Variants in PLAG1 observed in about 807,000 individuals in gnomAD.
The protein encoded by PLAG1 is zinc finger protein PLAG1.
In PLAG1, 7 loss-of-function variants were observed where a neutral mutation model predicts 35.5. The observed-to-expected ratio is 0.20, with a 90% CI of 0.11 to 0.37. PLAG1 has a LOEUF of 0.37. Ranked by LOEUF, PLAG1 falls within the 10% of genes least tolerant of loss-of-function variation. The pLI is 1.00. For missense variants in PLAG1, 454 were observed against 602.8 expected (o/e 0.75, Z 2.58); for synonymous variants, 229 against 225.4 (o/e 1.02, Z -0.14).
In PLAG1 at chr8:56,168,712, C is replaced by T. The variant is rs1185642798; in HGVS notation, c.-117-326G>A. On this transcript the variant is annotated intron_variant, in intron 3 of 4. Coordinates refer to ENST00000316981, the MANE Select transcript of PLAG1 (RefSeq NM_002655.3). ...TCTAAAAAGTGGCATTATTAAGCTT[C>T]AATTTTTACAAAAGATCAGAGAACA... Among the ~76,000 whole-genome samples the T allele has an allele frequency of 2.0e-5, 3 of 152,154 alleles. No homozygotes were observed. In the East Asian group the frequency reaches 5.8e-4, roughly 29 times the overall value.
chr8:56,204,470 T>C (rs1812643738), intron 1 of PLAG1, among the ~76,000 whole-genome samples: 1 of 151,920 alleles, frequency 6.6e-6, no homozygotes, highest in Non-Finnish European at 1.5e-5. Context: ...TAATGTATCT[T>C]CAAAGGAATA....
chr8:56,181,902 T>TA (rs1462506292), intron 1 of PLAG1, among the ~76,000 whole-genome samples: 3 of 152,110 alleles, frequency 2.0e-5, no homozygotes, highest in Non-Finnish European at 4.4e-5. Flanking sequence ...ATTTTTGCCT[T>TA]AAAAAATGTA....
chr8:56,177,208 A>G (rs1392391138), intron 2 of PLAG1, among the ~76,000 whole-genome samples: 4 of 152,230 alleles, frequency 2.6e-5, no homozygotes, highest in African/African-American at 9.6e-5. Context: ...AGTACTAAAA[A>G]ATGTAATGAA....
chr8:56,179,625 C>T (rs1811807152), intron 1 of PLAG1, 112 bp from the exon 2 acceptor site: 1 of 154,646 alleles, frequency 6.5e-6, no homozygotes. Flanking sequence ...ATTCTTTGCA[C>T]TTTATTGAAA....
chr8:56,187,397 G>A (rs990302868), intron 1 of PLAG1, among the ~76,000 whole-genome samples: 3 of 152,186 alleles, frequency 2.0e-5, no homozygotes, highest in African/African-American at 7.2e-5. Context: ...AGAGACAAAG[G>A]CAAGAATCAG....
intron 1 of PLAG1, among the ~76,000 whole-genome samples, chr8:56,184,001 A>G (rs1340544942): frequency 6.6e-6 from 1 of 152,164 alleles, no homozygotes; most frequent in Non-Finnish European, 1.5e-5. Context: ...AAAATGTAAA[A>G]CTTCCCCTCA....
intron 1 of PLAG1, chr8:56,209,109 T>C (rs915755561): frequency 2.0e-5 from 3 of 152,192 alleles, no homozygotes; most frequent in African/African-American, 7.2e-5. Context: ...TATTTTACAG[T>C]TTTTACAAAA....
At chr8:56,174,350 G>C (rs1442273827) in intron 2 of PLAG1, among the ~76,000 whole-genome samples, 1 of 152,154 alleles carries the variant, frequency 6.6e-6, no homozygotes, top group Non-Finnish European at 1.5e-5. Context: ...CAGTTTTGAA[G>C]TAAGGGCAAC....
intron 1 of PLAG1, among the ~76,000 whole-genome samples, chr8:56,199,176 G>A (rs1255074738): frequency 1.3e-5 from 2 of 152,166 alleles, no homozygotes; most frequent in Non-Finnish European, 2.9e-5. Flanking sequence ...TGGTGGTTGG[G>A]GGGACAGGTG....
At chr8:56,175,321 T>C (rs947317639) in intron 2 of PLAG1, among the ~76,000 whole-genome samples, 1 of 152,206 alleles carries the variant, frequency 6.6e-6, no homozygotes, top group African/African-American at 2.4e-5. Flanking sequence ...GATGCCTGCA[T>C]TAGTCCTTGG....
At position 56,167,494 on chromosome 8, in the gene PLAG1, A is replaced by G; in HGVS notation, c.252T>C (p.Ala84=). The part of the protein sequence containing the change: ...VSKYKLQRHM[A]THSPEKTHKC... Reference sequence around the variant, plus strand: ...TGTGGGTTTTCTCAGGAGAATGAGTAGCCATGTGCCTTTAAACACAGATAT... The same window carrying G: ...TGTGGGTTTTCTCAGGAGAATGAGTGGCCATGTGCCTTTAAACACAGATAT... The change falls in exon 5 of 5, where the codon GCT becomes GCC. Residue 84 remains alanine (A), a synonymous_variant. Transcript: ENST00000316981. The surrounding 1 kb of genome is among the most constrained non-coding windows in gnomAD (Gnocchi z 5.9). 2 of 1,604,494 alleles carry G rather than the reference A, an allele frequency of 1.2e-6. No individual in the cohort carries two copies. Among genetic ancestry groups the G allele is most frequent in the Non-Finnish European group, 1.7e-6 (2 of 1,173,334 alleles).
intron 2 of PLAG1, among the ~76,000 whole-genome samples, chr8:56,173,090 A>C (rs1384399334): frequency 2.0e-5 from 3 of 150,842 alleles, no homozygotes; most frequent in African/African-American, 7.5e-5. Flanking sequence ...ATTCTCAAAT[A>C]CATTCATAAA....
rs1320840118 is a variant in PLAG1, at chr8:56,173,037, T to C, written c.-216-1848A>G. Among the ~76,000 whole-genome samples the C allele has an allele frequency of 1.3e-5, 2 of 152,212 alleles. 1 individual carries two copies. The highest frequency in any genetic ancestry group is 2.9e-5 in the Non-Finnish European group (2 of 67,998). ...AGTTAACTAGTAAACAATAAGTTTATGTATTTTTTCCTTTATTCTCCAATC... is the reference window on the plus strand; with the variant it reads ...AGTTAACTAGTAAACAATAAGTTTACGTATTTTTTCCTTTATTCTCCAATC... On this transcript the variant is annotated intron_variant, in intron 2 of 4. Transcript: ENST00000316981.
At chr8:56,184,804 C>G (rs979106731) in intron 1 of PLAG1, among the ~76,000 whole-genome samples, 3 of 152,116 alleles carry the variant, frequency 2.0e-5, no homozygotes, top group Non-Finnish European at 4.4e-5. Context: ...GTAATCTCAG[C>G]TACTCCAGAG....
chr8:56,199,697 C>T (rs1281708315), intron 1 of PLAG1, among the ~76,000 whole-genome samples: 7 of 151,902 alleles, frequency 4.6e-5, no homozygotes, highest in Non-Finnish European at 8.8e-5. Context: ...CTAGACCAAC[C>T]CTTCCTGGCA....
intron 1 of PLAG1, among the ~76,000 whole-genome samples, chr8:56,193,923 T>G (rs1177613025): frequency 1.3e-5 from 2 of 152,080 alleles, no homozygotes; most frequent in Non-Finnish European, 2.9e-5. Flanking sequence ...TTTCACCATG[T>G]TAGCCAGGAT....
chr8:56,197,199 C>T (rs1197174340), intron 1 of PLAG1, among the ~76,000 whole-genome samples: 1 of 152,102 alleles, frequency 6.6e-6, no homozygotes, highest in Non-Finnish European at 1.5e-5. Context: ...GCATGTGTGC[C>T]TCTCTCCCCA....
chr8:56,184,198 CA>C (rs1241765666), intron 1 of PLAG1, among the ~76,000 whole-genome samples: 1 of 152,046 alleles, frequency 6.6e-6, no homozygotes, highest in African/African-American at 2.4e-5. Flanking sequence ...GACATTTCAC[CA>C]ATGAAAATAT....
At position 56,161,923 on chromosome 8, in the gene PLAG1, AT is replaced by A; in HGVS notation, c.*4319del. On this transcript the variant is annotated 3_prime_UTR_variant, in exon 5 of 5. Coordinates refer to ENST00000316981, the MANE Select transcript of PLAG1 (RefSeq NM_002655.3). ...TATACATTAGCAATAGTTCTGTGTC[AT>A]TTCTAGGCTAGATAACATCAAAAGA... 1 of 227,794 alleles carries A rather than the reference AT, an allele frequency of 4.4e-6. No individual in the cohort carries two copies. Among genetic ancestry groups the A allele is most frequent in the African/African-American group, 2.2e-5 (1 of 45,188 alleles). The allele number at this position is 227,794 out of a possible 1,614,324, so 14.1% of individuals were successfully genotyped here.
Sources: gnomAD v4.1 joint callset for allele counts (sites outside exome capture counted in the v4.1 genomes callset) on GRCh38, gnomAD v4.1.1 for gene constraint, Gnocchi (gnomAD v3.1) non-coding constraint, MANE v1.5 for transcripts, NCBI Gene and HGNC (gene_info 2026-07-23, HGNC 2026-07-21) for gene names.